ACTR3C: variants seen among roughly 807,000 people sequenced by gnomAD.
The protein encoded by ACTR3C is actin related protein 3C, also known as actin-related protein 3C.
A neutral mutation model predicts 26.3 loss-of-function variants in ACTR3C; 18 were observed. The ratio of observed to expected loss-of-function variants is 0.68; its 90% confidence interval spans 0.47 to 1.01. The LOEUF is 1.01. Among genes scored for constraint, ACTR3C ranks in the 50% least tolerant of loss-of-function variants. The pLI, the probability that ACTR3C is intolerant of heterozygous loss-of-function variation, is 0.00. For synonymous variants in ACTR3C, 55 were observed against 94.5 expected (o/e 0.58, Z 2.42); for missense variants, 184 against 250.7 (o/e 0.73, Z 1.80).
At chr7:149,900,607 C>A in the ACTR3C span, among the ~76,000 whole-genome samples, 9 of 152,058 alleles carry the variant, frequency 5.9e-5, no homozygotes, top group East Asian at 3.8e-4. Flanking sequence ...ATGGAAAGAT[C>A]AAAAATATGG....
the ACTR3C span, among the ~76,000 whole-genome samples, chr7:150,050,275 C>G: frequency 6.6e-6 from 1 of 152,260 alleles, no homozygotes; most frequent in East Asian, 1.9e-4. Flanking sequence ...AAATGTCATA[C>G]TAATATAGTT....
At position 150,316,539 on chromosome 7, in the gene ACTR3C, G is replaced by A. The variant is rs146427175; in HGVS notation, c.-52+6930C>T. Reference sequence around the variant, plus strand: ...AGTCTCACTGTTGCCAGGCGGGAGTGCAGTGGCGCGATCTCAGCTCACTGC... The same window carrying A: ...AGTCTCACTGTTGCCAGGCGGGAGTACAGTGGCGCGATCTCAGCTCACTGC... On this transcript the variant is annotated intron_variant, in intron 1 of 7. Coordinates refer to ENST00000683684, the MANE Select transcript of ACTR3C (RefSeq NM_001164458.2). 5.5e-3 allele frequency among the ~76,000 whole-genome samples: 788 copies of A among 142,738 alleles called. 8 individuals are homozygous for A. The highest frequency in any genetic ancestry group is 0.019 in the African/African-American group (751 of 38,686). The allele number at this position is 142,738 out of a possible 152,430, so 93.6% of individuals were successfully genotyped here. A position where few individuals can be genotyped will look rare whatever the true frequency, so the allele number is the denominator to read the frequency against.
intron 1 of ACTR3C, among the ~76,000 whole-genome samples, chr7:150,302,556 TGAG>T (rs1465758114): frequency 4.0e-5 from 6 of 151,676 alleles, no homozygotes; most frequent in East Asian, 1.9e-4. Flanking sequence ...TGTAAGGAAA[TGAG>T]GAGTATAATA....
the ACTR3C span, among the ~76,000 whole-genome samples, chr7:150,180,096 G>C: frequency 1.3e-5 from 2 of 151,032 alleles, no homozygotes; most frequent in African/African-American, 5.0e-5. Context: ...ACGAGGTTAG[G>C]AGATCAAGAT....
chr7:150,036,006 G>GC, the ACTR3C span, among the ~76,000 whole-genome samples: 1 of 95,122 alleles, frequency 1.1e-5, no homozygotes, highest in African/African-American at 5.2e-5. Flanking sequence ...GGGTGCCTCC[G>GC]CCCCCAGCGA....
intron 6 of ACTR3C, among the ~76,000 whole-genome samples, chr7:150,272,690 G>GTTT (rs201919346): frequency 5.3e-5 from 6 of 114,016 alleles, no homozygotes; most frequent in Admixed American, 1.6e-4. Flanking sequence ...TGTTTTTTTG[G>GTTT]TTTTTTTTTT....
the ACTR3C span, among the ~76,000 whole-genome samples, chr7:150,229,114 C>G: frequency 6.6e-6 from 1 of 151,988 alleles, no homozygotes; most frequent in Non-Finnish European, 1.5e-5. Context: ...GATAGACAGT[C>G]GTGTTATCTG....
At chr7:150,189,156 T>C in the ACTR3C span, among the ~76,000 whole-genome samples, 2,546 of 150,128 alleles carry the variant, frequency 0.017, 47 homozygotes, top group African/African-American at 0.061. Context: ...CCTAAATATA[T>C]ACATATAAAG....
the ACTR3C span, among the ~76,000 whole-genome samples, chr7:150,169,780 C>A: frequency 1.3e-5 from 2 of 150,688 alleles, no homozygotes; most frequent in Non-Finnish European, 1.5e-5. Flanking sequence ...TTGTTTTAGT[C>A]CAGTCTGAGT....
At chr7:150,152,418 T>C in the ACTR3C span, among the ~76,000 whole-genome samples, 1 of 152,178 alleles carries the variant, frequency 6.6e-6, no homozygotes, top group Non-Finnish European at 1.5e-5. Context: ...TTGTCTTTGG[T>C]TCTGTTTATA....
the ACTR3C span, among the ~76,000 whole-genome samples, chr7:149,975,357 C>T: frequency 3.3e-5 from 5 of 151,934 alleles, no homozygotes; most frequent in Non-Finnish European, 1.5e-5. Context: ...TGAGTAAAAA[C>T]AAAAATACCA....
At chr7:149,917,137 G>A in the ACTR3C span, among the ~76,000 whole-genome samples, 12 of 151,298 alleles carry the variant, frequency 7.9e-5, no homozygotes, top group East Asian at 1.7e-3. Context: ...GTGCAATGGC[G>A]CGATCTTGGC....
chr7:150,238,808 C>T, the ACTR3C span, among the ~76,000 whole-genome samples: 2 of 148,724 alleles, frequency 1.3e-5, 1 homozygote, highest in Admixed American at 1.3e-4. Flanking sequence ...AATAAAATCA[C>T]AAATCTTAAT....
the ACTR3C span, among the ~76,000 whole-genome samples, chr7:149,926,287 T>C: frequency 1.3e-5 from 2 of 152,222 alleles, no homozygotes; most frequent in Non-Finnish European, 2.9e-5. Flanking sequence ...AGAAGAAAGT[T>C]AATGGGCCTG....
chr7:150,094,112 C>T, the ACTR3C span, among the ~76,000 whole-genome samples: 2 of 150,520 alleles, frequency 1.3e-5, no homozygotes, highest in Admixed American at 6.6e-5. Flanking sequence ...CAGAGCCTAC[C>T]CTAGTGATCG....
At chr7:150,203,228 GT>G in the ACTR3C span, among the ~76,000 whole-genome samples, 77 of 152,202 alleles carry the variant, frequency 5.1e-4, no homozygotes, top group Non-Finnish European at 1.0e-3. Context: ...GGACACTGAT[GT>G]TTGAGAAGAA....
At chr7:150,219,019 T>C in the ACTR3C span, among the ~76,000 whole-genome samples, 1 of 152,198 alleles carries the variant, frequency 6.6e-6, no homozygotes, top group African/African-American at 2.4e-5. Flanking sequence ...TTCATCATGA[T>C]CTGATAGAAG....
the ACTR3C span, among the ~76,000 whole-genome samples, chr7:150,071,760 G>A: frequency 1.3e-5 from 2 of 151,840 alleles, no homozygotes; most frequent in Admixed American, 1.3e-4. Context: ...CAGAGTTGTG[G>A]GCGTTTCAGG....
chr7:150,135,413 G>A, the ACTR3C span, among the ~76,000 whole-genome samples: 283 of 152,340 alleles, frequency 1.9e-3, 1 homozygote, highest in African/African-American at 6.5e-3. Context: ...CATGCTCAGT[G>A]GCCATGAGGA....
Sources: gnomAD v4.1 joint callset for allele counts (sites outside exome capture counted in the v4.1 genomes callset) on GRCh38, gnomAD v4.1.1 for gene constraint, MANE v1.5 for transcripts, NCBI Gene and HGNC (gene_info 2026-07-23, HGNC 2026-07-21) for gene names.